GDPD1: variants seen among roughly 807,000 people sequenced by gnomAD.
GDPD1 encodes glycerophosphodiester phosphodiesterase domain containing 1.
Under a neutral mutation model 45.1 loss-of-function variants are expected in GDPD1, and 28 were observed. The ratio of observed to expected loss-of-function variants is 0.62; its 90% CI spans 0.46 to 0.85. The LOEUF is 0.85. GDPD1 is among the 40% of genes least tolerant of loss of function. The pLI is 0.00. For missense variants in GDPD1, 256 were observed against 364.8 expected (o/e 0.70, Z 2.43); for synonymous variants, 139 against 131.4 (o/e 1.06, Z -0.40).
In GDPD1 at chr17:59,275,685, A is replaced by G. The variant is rs986746366; in HGVS notation, c.*1912A>G. ...TTAAAACTCATTAATCTGAGTATTA[A>G]GTAGAAACAGAATTTTCCAAAGCAT... On this transcript the variant is annotated 3_prime_UTR_variant, in exon 10 of 10. Transcript: ENST00000284116. Among the ~76,000 whole-genome samples, 5 of 152,206 alleles carry G rather than the reference A, an allele frequency of 3.3e-5. No individual in the cohort carries two copies. The highest frequency in any genetic ancestry group is 1.2e-4 in the African/African-American group (5 of 41,476).
chr17:59,270,749 A>T (rs1287574152), intron 7 of GDPD1, among the ~76,000 whole-genome samples, 187 bp from the exon 8 acceptor site: 1 of 152,002 alleles, frequency 6.6e-6, no homozygotes, highest in Non-Finnish European at 1.5e-5. Flanking sequence ...GGATGGCAAA[A>T]AGTTAGCTTG....
intron 2 of GDPD1, among the ~76,000 whole-genome samples, chr17:59,239,574 G>A (rs917754241): frequency 1.3e-5 from 2 of 151,868 alleles, no homozygotes; most frequent in African/African-American, 4.8e-5. Context: ...AATTTTACTA[G>A]AATAATTTAC....
intron 1 of GDPD1, among the ~76,000 whole-genome samples, chr17:59,222,019 G>A (rs1480104884): frequency 6.6e-6 from 1 of 152,066 alleles, no homozygotes. Flanking sequence ...TTTAAAGGGT[G>A]GTCAGCCAAA....
intron 4 of GDPD1, among the ~76,000 whole-genome samples, chr17:59,256,352 G>A (rs915333200): frequency 6.6e-6 from 1 of 151,840 alleles, no homozygotes. Context: ...ACTAGAGAAA[G>A]ACTAAAGAAA....
intron 6 of GDPD1, among the ~76,000 whole-genome samples, chr17:59,259,729 A>T (rs1597986241): frequency 7.0e-6 from 1 of 143,154 alleles, no homozygotes; most frequent in Non-Finnish European, 1.5e-5. Context: ...ACAGAACAAG[A>T]CTCCATCTCA....
At chr17:59,269,659 A>G (rs1250320812) in intron 7 of GDPD1, among the ~76,000 whole-genome samples, 2 of 151,926 alleles carry the variant, frequency 1.3e-5, no homozygotes, top group African/African-American at 4.8e-5. Flanking sequence ...TCCCATCTCT[A>G]CTAAAAATAC....
At chr17:59,248,268 C>T (rs1045754880) in intron 3 of GDPD1, among the ~76,000 whole-genome samples, 51 of 150,992 alleles carry the variant, frequency 3.4e-4, no homozygotes, top group African/African-American at 1.1e-3. Context: ...TACTGCACTC[C>T]GGCCCAGGCA....
intron 2 of GDPD1, among the ~76,000 whole-genome samples, chr17:59,240,063 C>T (rs897080681): frequency 2.6e-5 from 4 of 151,966 alleles, no homozygotes; most frequent in Non-Finnish European, 4.4e-5. Context: ...GAGGCCGAGG[C>T]GGGCAGATCA....
intron 2 of GDPD1, among the ~76,000 whole-genome samples, chr17:59,245,161 A>T (rs2047201004): frequency 6.6e-6 from 1 of 152,218 alleles, no homozygotes; most frequent in East Asian, 1.9e-4. Context: ...TTAACTTCAG[A>T]TTCAGTATTC....
intron 2 of GDPD1, among the ~76,000 whole-genome samples, chr17:59,239,556 T>C (rs2047159599): frequency 6.6e-6 from 1 of 152,094 alleles, no homozygotes; most frequent in African/African-American, 2.4e-5. Flanking sequence ...ACATATCAAA[T>C]TTGGGATAAT....
chr17:59,262,628 T>TG (rs2047365482), intron 6 of GDPD1, among the ~76,000 whole-genome samples: 1 of 100,410 alleles, frequency 1.0e-5, no homozygotes, highest in South Asian at 3.6e-4. Flanking sequence ...ATCTTGGTTT[T>TG]GTTTTTTTTT....
In GDPD1 at chr17:59,220,646, C is replaced by A. The variant is rs1278637217; in HGVS notation, c.37C>A (p.Leu13Ile). 1 of 1,613,980 alleles carries A rather than the reference C, an allele frequency of 6.2e-7. No individual in the cohort carries two copies. The highest frequency in any genetic ancestry group is 1.3e-5 in the African/African-American group (1 of 74,946). The change falls in exon 1 of 10, where the codon CTA becomes ATA. Residue 13 changes from leucine to isoleucine, a missense_variant. Transcript: ENST00000284116. ...STAAFYLLSTLGGYLVTSFLL... is the reference protein window; with the variant it reads ...STAAFYLLSTIGGYLVTSFLL... Reference sequence around the variant, plus strand: ...TGCGGCTTTTTACCTTCTCTCTACGCTAGGAGGATACTTGGTGACCTCATT... The same window carrying A: ...TGCGGCTTTTTACCTTCTCTCTACGATAGGAGGATACTTGGTGACCTCATT...
At chr17:59,226,364 C>T (rs1344929800) in intron 1 of GDPD1, among the ~76,000 whole-genome samples, 1 of 151,890 alleles carries the variant, frequency 6.6e-6, no homozygotes, top group Non-Finnish European at 1.5e-5. Context: ...AAACCTATAC[C>T]CTTCATATTT....
chr17:59,257,011 C>G, intron 4 of GDPD1, 111 bp from the exon 5 acceptor site: 2 of 515,414 alleles, frequency 3.9e-6, no homozygotes, highest in Non-Finnish European at 6.7e-6. Context: ...CTTCTCTATA[C>G]TTTTCCTTAT....
intron 4 of GDPD1, among the ~76,000 whole-genome samples, chr17:59,256,858 T>C (rs78412413): frequency 6.6e-6 from 1 of 152,170 alleles, no homozygotes; most frequent in Non-Finnish European, 1.5e-5. Flanking sequence ...AAATATTTAT[T>C]TTTATGTGAA....
At chr17:59,248,879 C>G (rs1179128496) in intron 4 of GDPD1, 94 bp downstream of exon 4, 1 of 874,206 alleles carries the variant, frequency 1.1e-6, no homozygotes, top group Non-Finnish European at 1.8e-6. Context: ...TAACTGACCT[C>G]TAAGTTTGTT....
At chr17:59,258,158 C>A (rs1474227183) in intron 6 of GDPD1, among the ~76,000 whole-genome samples, 2 of 152,080 alleles carry the variant, frequency 1.3e-5, no homozygotes, top group East Asian at 1.9e-4. Flanking sequence ...AACTCTTGGA[C>A]TCAAGCAATC....
intron 3 of GDPD1, among the ~76,000 whole-genome samples, chr17:59,248,069 T>TA (rs1420304978): frequency 6.6e-6 from 1 of 152,040 alleles, no homozygotes; most frequent in African/African-American, 2.4e-5. Context: ...ATTATTTCTC[T>TA]AAATATACTC....
intron 6 of GDPD1, among the ~76,000 whole-genome samples, chr17:59,258,988 C>CTT (rs2047331150): frequency 6.6e-6 from 1 of 151,138 alleles, no homozygotes; most frequent in East Asian, 2.0e-4. Flanking sequence ...TTTTAATTTT[C>CTT]TTTTGCCTGT....
Sources: gnomAD v4.1 joint callset for allele counts (sites outside exome capture counted in the v4.1 genomes callset) on GRCh38, gnomAD v4.1.1 for gene constraint, MANE v1.5 for transcripts, NCBI Gene and HGNC (gene_info 2026-07-23, HGNC 2026-07-21) for gene names.